MAP3K13: variants seen among roughly 807,000 people sequenced by gnomAD.
MAP3K13 encodes leucine zipper-bearing kinase.
In MAP3K13, 52 loss-of-function variants were observed where a neutral mutation model predicts 104.0. The ratio of observed to expected loss-of-function variants is 0.50; its 90% CI spans 0.40 to 0.63. MAP3K13 has a LOEUF of 0.63. Among genes scored for constraint, MAP3K13 ranks in the 20% least tolerant of loss-of-function variants. MAP3K13 has a pLI of 0.00. For missense variants in MAP3K13, 914 were observed against 1,218.5 expected, an observed-to-expected ratio of 0.75 and a Z score of 3.72; for synonymous variants, 394 against 442.2, an observed-to-expected ratio of 0.89 and a Z score of 1.37.
At chr3:185,347,593 A>G (rs1427587659) in intron 2 of MAP3K13, among the ~76,000 whole-genome samples, 1 of 152,198 alleles carries the variant, frequency 6.6e-6, no homozygotes, top group Non-Finnish European at 1.5e-5. Context: ...TTAAGTTTGC[A>G]GTAGATGGCA....
Position 185,418,577 on chromosome 3 carries a change from C to A in MAP3K13, c.-85-9920C>A, listed in dbSNP as rs1713936986. The A allele has an allele frequency of 4.3e-6, 7 of 1,612,382 alleles. No homozygotes were observed. The highest frequency in any genetic ancestry group is 5.9e-6 in the Non-Finnish European group (7 of 1,179,798). On this transcript the variant is annotated intron_variant, in intron 1 of 13. Transcript: ENST00000265026. This position sits in a 1 kb window ranked among gnomAD's most constrained non-coding sequence, Gnocchi z 4.5. The stretch of plus-strand genomic sequence containing the variant: ...ATTCGAGCCATAGCTCTGCCAGTAC[C>A]CCAAGACTCAGCACTGGTCTGATGA...
chr3:185,346,406 A>T (rs1722925271), intron 2 of MAP3K13, among the ~76,000 whole-genome samples: 1 of 152,198 alleles, frequency 6.6e-6, no homozygotes, highest in Non-Finnish European at 1.5e-5. Context: ...TACATGTTAG[A>T]TCACCTGGTA....
chr3:185,399,936 C>T (rs1317083910), intron 1 of MAP3K13, among the ~76,000 whole-genome samples: 1 of 152,066 alleles, frequency 6.6e-6, no homozygotes, highest in Non-Finnish European at 1.5e-5. Flanking sequence ...GTCACCATCA[C>T]ATCCAGCCAG....
Position 185,315,672 on chromosome 3 carries a change from G to A in MAP3K13, c.-86+30029G>A, listed in dbSNP as rs942737148. ...CTATAACACTTAACAAATTTTGTTA[G>A]TGTACCCTATTGCAAATGGGATATT... On this transcript the variant is annotated intron_variant, in intron 2 of 14. Transcript: ENST00000424227. This position sits in a 1 kb window ranked among gnomAD's most constrained non-coding sequence, Gnocchi z 4.3. Among the ~76,000 whole-genome samples the A allele has an allele frequency of 6.6e-6, 1 of 152,120 alleles. No homozygotes were observed. The highest frequency in any genetic ancestry group is 2.4e-5 in the African/African-American group (1 of 41,426).
chr3:185,381,816 A>C (rs1219940906), intron 1 of MAP3K13, among the ~76,000 whole-genome samples: 1 of 152,248 alleles, frequency 6.6e-6, no homozygotes, highest in African/African-American at 2.4e-5. Context: ...ACAGAAGCAC[A>C]CATAAAACAA....
intron 2 of MAP3K13, among the ~76,000 whole-genome samples, chr3:185,322,101 G>T (rs1328739628): frequency 6.6e-6 from 1 of 152,150 alleles, no homozygotes; most frequent in African/African-American, 2.4e-5. Flanking sequence ...TGTAAAATTT[G>T]CATTTTTCAT....
upstream of MAP3K13, among the ~76,000 whole-genome samples, chr3:185,359,908 G>A (rs1723532727): frequency 6.7e-6 from 1 of 149,392 alleles, no homozygotes; most frequent in South Asian, 2.1e-4. Context: ...TAAATGAGTT[G>A]TTTTCCTTTT....
At chr3:185,465,323 T>C (rs926633855) in intron 8 of MAP3K13, among the ~76,000 whole-genome samples, 3 of 152,140 alleles carry the variant, frequency 2.0e-5, no homozygotes, top group African/African-American at 7.2e-5. Flanking sequence ...TTTCAACATA[T>C]AAATCTGGGG....
At chr3:185,416,696 A>T (rs552206183) in intron 1 of MAP3K13, among the ~76,000 whole-genome samples, 51 of 152,176 alleles carry the variant, frequency 3.4e-4, no homozygotes, top group African/African-American at 1.2e-3. Flanking sequence ...TGGCGCAATC[A>T]TGGCTCACTG....
At chr3:185,295,072 T>C (rs1477369805) in intron 2 of MAP3K13, among the ~76,000 whole-genome samples, 1 of 152,220 alleles carries the variant, frequency 6.6e-6, no homozygotes, top group East Asian at 1.9e-4. Flanking sequence ...ACTCTTATTA[T>C]CTTATTGCCC....
intron 1 of MAP3K13, chr3:185,417,363 C>G: frequency 9.9e-7 from 1 of 1,012,948 alleles, no homozygotes; most frequent in Non-Finnish European, 1.4e-6. Context: ...TGGAAATAAT[C>G]AAAACACTGA....
intron 7 of MAP3K13, among the ~76,000 whole-genome samples, chr3:185,460,182 G>C (rs1717016666): frequency 6.6e-6 from 1 of 152,184 alleles, no homozygotes; most frequent in Non-Finnish European, 1.5e-5. Context: ...ATGACCCCCA[G>C]TGGATGCCTA....
chr3:185,437,000 C>CAAAAAAAAAAAAA (rs58819806), intron 2 of MAP3K13, among the ~76,000 whole-genome samples: 2 of 36,946 alleles, frequency 5.4e-5, no homozygotes, highest in Non-Finnish European at 4.6e-5. Context: ...GACTCTGTCT[C>CAAAAAAAAAAAAA]AAAAAAAAAA....
chr3:185,378,277 G>A (rs1025661743), intron 1 of MAP3K13, among the ~76,000 whole-genome samples: 3 of 152,084 alleles, frequency 2.0e-5, no homozygotes, highest in Admixed American at 6.6e-5. Context: ...AGAATAAGAC[G>A]GCCTTCTGAC....
intron 1 of MAP3K13, chr3:185,417,763 G>C: frequency 6.2e-7 from 1 of 1,612,292 alleles, no homozygotes; most frequent in Admixed American, 1.7e-5. Context: ...GCGAAGAATG[G>C]TGTTCCGGCG....
chr3:185,471,213 A>G (rs1335517657), intron 10 of MAP3K13, among the ~76,000 whole-genome samples: 1 of 151,996 alleles, frequency 6.6e-6, no homozygotes, highest in Non-Finnish European at 1.5e-5. Flanking sequence ...AAACACTCCT[A>G]TAATAAGCAG....
chr3:185,331,301 G>A (rs529670909), intron 2 of MAP3K13, among the ~76,000 whole-genome samples: 55 of 151,984 alleles, frequency 3.6e-4, no homozygotes, highest in South Asian at 1.2e-3. Context: ...CTCCATGTTG[G>A]TCAGGCTGGT....
chr3:185,310,832 A>G (rs889633257), intron 2 of MAP3K13, among the ~76,000 whole-genome samples: 3 of 152,216 alleles, frequency 2.0e-5, no homozygotes, highest in African/African-American at 7.2e-5. Flanking sequence ...ACCTGCCACT[A>G]TGCTATCATT....
chr3:185,337,223 T>G (rs574107459), intron 2 of MAP3K13, among the ~76,000 whole-genome samples: 1 of 150,546 alleles, frequency 6.6e-6, no homozygotes, highest in Admixed American at 6.6e-5. Flanking sequence ...CGGTCTTTAA[T>G]GCCATGTTGT....
Sources: gnomAD v4.1 joint callset for allele counts (sites outside exome capture counted in the v4.1 genomes callset) on GRCh38, gnomAD v4.1.1 for gene constraint, Gnocchi (gnomAD v3.1) non-coding constraint, MANE v1.5 for transcripts, NCBI Gene and HGNC (gene_info 2026-07-23, HGNC 2026-07-21) for gene names.